The following RNF24 variants were observed in gnomAD, a reference collection of about 807,000 sequenced individuals.
The protein encoded by RNF24 is ring finger protein 24.
RNF24 carries 14 observed loss-of-function variants against 20.0 expected under a neutral mutation model. That is an observed-to-expected ratio of 0.70 (90% CI 0.46 to 1.10). The LOEUF (loss-of-function observed/expected upper bound fraction) is 1.10, where lower values mean the gene tolerates loss of function less well. Among genes scored for constraint, RNF24 ranks in the 50% least tolerant of loss-of-function variants. The probability of loss-of-function intolerance (pLI) is 0.00; values close to 1 mark genes in which losing one functional copy is unlikely to be tolerated. For missense variants in RNF24, 124 were observed against 177.6 expected (o/e 0.70, Z 1.71); for synonymous variants, 45 against 61.1 (o/e 0.74, Z 1.23).
rs2090813948 is a variant in RNF24, at chr20:3,930,976, G to A, written c.*3087C>T. On this transcript the variant is annotated 3_prime_UTR_variant, in exon 6 of 6. Transcript: ENST00000358395. ...TAGGCTTCAAGGACCTTATCTGCCAGGGACAGGCCTAACCAAATCACACGT... is the reference window on the plus strand; with the variant it reads ...TAGGCTTCAAGGACCTTATCTGCCAAGGACAGGCCTAACCAAATCACACGT... 1 of 152,362 alleles carries A rather than the reference G, an allele frequency of 6.6e-6. No homozygotes were observed. The highest frequency in any genetic ancestry group is 2.1e-4 in the South Asian group (1 of 4,834). 9.4% of individuals were successfully genotyped at this position (152,362 alleles called of 1,614,324 possible).
At chr20:3,947,217 C>T (rs2091029910) in intron 3 of RNF24, among the ~76,000 whole-genome samples, 1 of 151,404 alleles carries the variant, frequency 6.6e-6, no homozygotes, top group South Asian at 2.1e-4. Flanking sequence ...ACAAGATACG[C>T]AGTTCTGAAG....
intron 2 of RNF24, among the ~76,000 whole-genome samples, chr20:3,959,764 G>A (rs772673516): frequency 1.3e-5 from 2 of 152,090 alleles, no homozygotes; most frequent in African/African-American, 2.4e-5. Flanking sequence ...ACTTGCCTGT[G>A]TTGGTACTTC....
At chr20:3,947,126 G>A (rs931839663) in intron 3 of RNF24, among the ~76,000 whole-genome samples, 4 of 152,132 alleles carry the variant, frequency 2.6e-5, no homozygotes, top group Admixed American at 6.5e-5. Context: ...CCCGGGAGGC[G>A]GAGGTTGCAT....
chr20:4,006,457 G>C (rs942775238), intron 1 of RNF24, among the ~76,000 whole-genome samples: 2 of 151,684 alleles, frequency 1.3e-5, no homozygotes, highest in African/African-American at 2.4e-5. Context: ...CAAAACTTTA[G>C]AAGATGACAA....
intron 4 of RNF24, among the ~76,000 whole-genome samples, chr20:3,935,620 T>G (rs962551607): frequency 7.9e-5 from 12 of 152,254 alleles, no homozygotes; most frequent in African/African-American, 2.9e-4. Flanking sequence ...AAAAAGTTAC[T>G]GAAGACTCAG....
At chr20:4,009,728 T>C (rs2122163941) in intron 1 of RNF24, among the ~76,000 whole-genome samples, 1 of 152,282 alleles carries the variant, frequency 6.6e-6, no homozygotes, top group East Asian at 1.9e-4. Flanking sequence ...GCTGAGTGTC[T>C]ACTTCGGATT....
rs1166506062 is a variant in RNF24 at position 3,931,819 on chromosome 20, C to T, written c.*2244G>A. ...GAGTGCAGAGCATTCTTGTGCTCTC[C>T]TCTCATGGCTGGAACTATCTGGGCT... On this transcript the variant is annotated 3_prime_UTR_variant, in exon 6 of 6. Transcript: ENST00000358395. 6.6e-6 allele frequency: 1 copy of T among 152,222 alleles called. No homozygotes were observed. Among genetic ancestry groups the T allele is most frequent in the African/African-American group, 2.4e-5 (1 of 41,458 alleles). 9.4% of individuals were successfully genotyped at this position (152,222 alleles called of 1,614,324 possible).
intron 1 of RNF24, among the ~76,000 whole-genome samples, chr20:4,008,498 T>TATATTATATTATA (rs1260776698): frequency 3.2e-5 from 3 of 95,062 alleles, no homozygotes; most frequent in Non-Finnish European, 6.1e-5. Context: ...ATATAATATA[T>TATATTATATTATA]ATATTATACA....
rs753650923 is a variant in RNF24 at position 3,933,324 on chromosome 20, T to G, written c.*739A>C. The G allele has an allele frequency of 1.0e-5, 4 of 397,518 alleles. No individual in the cohort carries two copies. Among genetic ancestry groups the G allele is most frequent in the Non-Finnish European group, 1.3e-5 (3 of 226,032 alleles). The allele number at this position is 397,518 out of a possible 1,614,324, so 24.6% of individuals were successfully genotyped here. A position where few individuals can be genotyped will look rare whatever the true frequency, so the allele number is the denominator to read the frequency against. ...ACATGTGGGGATGTGGGCAGCCTCC[T>G]GGATCACTCAGGGACAGTGTGGACT... On this transcript the variant is annotated 3_prime_UTR_variant, in exon 6 of 6. Coordinates refer to ENST00000358395, the MANE Select transcript of RNF24 (RefSeq NM_001134337.3).
At chr20:3,969,406 G>A (rs1227673387) in intron 1 of RNF24, among the ~76,000 whole-genome samples, 1 of 150,946 alleles carries the variant, frequency 6.6e-6, no homozygotes. Context: ...GGGACCCAAG[G>A]AACCACATGT....
intron 2 of RNF24, among the ~76,000 whole-genome samples, chr20:3,960,046 A>G (rs1048218927): frequency 6.6e-6 from 1 of 152,230 alleles, no homozygotes; most frequent in Non-Finnish European, 1.5e-5. Flanking sequence ...CAGCCCTACC[A>G]TAGTCAGCAC....
At chr20:3,970,624 C>T (rs1440847516) in intron 1 of RNF24, among the ~76,000 whole-genome samples, 1 of 151,866 alleles carries the variant, frequency 6.6e-6, no homozygotes, top group Non-Finnish European at 1.5e-5. Context: ...AAATTCTCAG[C>T]AAAGAAACAG....
intron 1 of RNF24, among the ~76,000 whole-genome samples, chr20:4,008,345 ACATG>A (rs1345466990): frequency 1.1e-5 from 1 of 89,868 alleles, no homozygotes; most frequent in African/African-American, 4.9e-5. Context: ...TATATATTAT[ACATG>A]TAATATGTAT....
intron 1 of RNF24, among the ~76,000 whole-genome samples, chr20:3,994,966 A>T (rs1980742828): frequency 6.6e-6 from 1 of 152,240 alleles, no homozygotes. Flanking sequence ...AGATTCTTTC[A>T]TTGTACAGCC....
intron 1 of RNF24, among the ~76,000 whole-genome samples, chr20:3,990,555 A>AT (rs1215614523): frequency 6.6e-6 from 1 of 152,196 alleles, no homozygotes; most frequent in African/African-American, 2.4e-5. Flanking sequence ...AATGTTTTAC[A>AT]GTTGTTAAAG....
intron 3 of RNF24, among the ~76,000 whole-genome samples, chr20:3,947,416 TATTAACTTA>T (rs1462325939): frequency 6.6e-6 from 1 of 152,180 alleles, no homozygotes; most frequent in Non-Finnish European, 1.5e-5. Context: ...AAGATAAGTG[TATTAACTTA>T]AAGACAAAAT....
chr20:3,977,753 C>T (rs373657838), intron 1 of RNF24, among the ~76,000 whole-genome samples: 16 of 151,026 alleles, frequency 1.1e-4, no homozygotes, highest in African/African-American at 2.2e-4. Flanking sequence ...TAGTCCTAGC[C>T]ACTCGGGAGG....
chr20:3,976,858 G>A (rs1470866905), intron 1 of RNF24, among the ~76,000 whole-genome samples: 1 of 152,140 alleles, frequency 6.6e-6, no homozygotes, highest in African/African-American at 2.4e-5. Context: ...TATGTTGACT[G>A]TATCAAAGTT....
At position 3,934,417 on chromosome 20, in the gene RNF24, C is replaced by T. The variant is rs241605; in HGVS notation, c.309-216G>A. Among the ~76,000 whole-genome samples, 48,210 of 152,066 alleles carry T rather than the reference C, an allele frequency of 0.32. 8,298 individuals carry two copies. Among genetic ancestry groups the T allele is most frequent in the African/African-American group, 0.46 (18,987 of 41,478 alleles). On this transcript the variant is annotated intron_variant, in intron 5 of 5. Coordinates refer to ENST00000358395, the MANE Select transcript of RNF24 (RefSeq NM_001134337.3). This position sits in a 1 kb window ranked among gnomAD's most constrained non-coding sequence, Gnocchi z 4.0. ...CCAAGGGGTCAGCAATCCCCTCTTC[C>T]TTCCAGAGCCTCCCATCTTCCACGT...
Sources: gnomAD v4.1 joint callset for allele counts (sites outside exome capture counted in the v4.1 genomes callset) on GRCh38, gnomAD v4.1.1 for gene constraint, Gnocchi (gnomAD v3.1) non-coding constraint, MANE v1.5 for transcripts, NCBI Gene and HGNC (gene_info 2026-07-23, HGNC 2026-07-21) for gene names.